The following TTC22 variants were observed in gnomAD, a reference collection of about 807,000 sequenced individuals.
The protein encoded by TTC22 is tetratricopeptide repeat domain 22.
In TTC22, 42 loss-of-function variants were observed where a neutral mutation model predicts 48.2. The ratio of observed to expected loss-of-function variants is 0.87; its 90% CI spans 0.68 to 1.13. The LOEUF is 1.13. Among genes scored for constraint, TTC22 ranks in the 50% most tolerant of loss-of-function variants. The pLI is 0.00. For synonymous variants in TTC22, 345 were observed against 365.5 expected (o/e 0.94, Z 0.64); for missense variants, 784 against 807.0 (o/e 0.97, Z 0.34).
chr1:54,796,483 T>C (rs1274315061), intron 1 of TTC22, among the ~76,000 whole-genome samples: 1 of 152,216 alleles, frequency 6.6e-6, no homozygotes, highest in Non-Finnish European at 1.5e-5. Context: ...TGGCGGTGTG[T>C]CTGTGAGGTC....
Position 54,800,887 on chromosome 1 carries a change from C to A in TTC22, c.277G>T (p.Ala93Ser). ...TTGAGGTTGCCCGGGTGCTCGTGGG[C>A]CACCTCGAGGAAGCACTCGCGGGCC... ...DEARECFLEV[A>S]HEHPGNLNAW... Residue 93 changes from alanine (A) to serine (S), a missense_variant, in exon 1 of 7, where the codon GCC becomes TCC. By Grantham distance (99) the Ala-to-Ser change is moderately conservative. Transcript: ENST00000371276. 1 of 1,610,528 alleles carries A rather than the reference C, an allele frequency of 6.2e-7. No individual in the cohort carries two copies. Among genetic ancestry groups the A allele is most frequent in the Non-Finnish European group, 8.5e-7 (1 of 1,179,404 alleles).
At chr1:54,791,130 G>T (rs1646348659) in intron 1 of TTC22, among the ~76,000 whole-genome samples, 1 of 152,318 alleles carries the variant, frequency 6.6e-6, no homozygotes, top group East Asian at 1.9e-4. Flanking sequence ...AAAGTGCTGG[G>T]ATTACAGGTG....
chr1:54,785,720 G>A, intron 5 of TTC22: 1 of 461,550 alleles, frequency 2.2e-6, no homozygotes, highest in Non-Finnish European at 4.0e-6. Context: ...GGCTGAGGCG[G>A]GAGGATTGCT....
rs919774414 is a variant in TTC22, at chr1:54,785,485, C to T, written c.1020+498G>A. ...CCAGGAATTGTAGAAGGGATTCCTG[C>T]AGTGAGTGGAGGCTCCTGCATTCTT... On this transcript the variant is annotated intron_variant, in intron 5 of 6. Transcript: ENST00000371276. 6.3e-5 allele frequency: 27 copies of T among 430,834 alleles called. 1 individual carries two copies. The highest frequency in any genetic ancestry group is 4.4e-4 in the South Asian group (27 of 60,682). The allele number at this position is 430,834 out of a possible 1,614,324, so 26.7% of individuals were successfully genotyped here.
chr1:54,787,438 C>G, intron 3 of TTC22: 1 of 574,386 alleles, frequency 1.7e-6, no homozygotes, highest in Non-Finnish European at 3.1e-6. Flanking sequence ...ATCTTCTGAC[C>G]ATAAATAGGT....
chr1:54,794,268 G>A (rs764274811), intron 1 of TTC22, among the ~76,000 whole-genome samples: 13 of 152,182 alleles, frequency 8.5e-5, no homozygotes, highest in Admixed American at 5.2e-4. Flanking sequence ...TTAGTGACCC[G>A]ACAGAAACTG....
At chr1:54,786,427 T>G in intron 4 of TTC22, 3 of 366,462 alleles carry the variant, frequency 8.2e-6, no homozygotes, top group African/African-American at 2.1e-5. Flanking sequence ...AGACCCCTCC[T>G]TCCCAGTGTA....
chr1:54,794,802 A>T (rs1468096751), intron 1 of TTC22: 1 of 152,442 alleles, frequency 6.6e-6, no homozygotes, highest in Non-Finnish European at 1.5e-5. Flanking sequence ...CAGAAGTGCC[A>T]GGATTCAAGT....
chr1:54,784,869 GC>G, intron 5 of TTC22: 1 of 1,230,288 alleles, frequency 8.1e-7, no homozygotes, highest in Non-Finnish European at 1.1e-6. Context: ...TGGGACCAGT[GC>G]GGGAAGCTAG....
chr1:54,781,403 A>G lies in TTC22; in HGVS notation c.1550T>C (p.Leu517Pro). ...CGTGTGCCCGCGCCACACGCGCTGCAGCTCCTGGCGCAGGCGCGCCGCGGG... is the reference window on the plus strand; with the variant it reads ...CGTGTGCCCGCGCCACACGCGCTGCGGCTCCTGGCGCAGGCGCGCCGCGGG... ...KYPAARLRQE[L>P]QRVWRGHTDE... The change falls in exon 7 of 7, where the codon CTG becomes CCG. Residue 517 changes from leucine (L) to proline (P), a missense_variant. Coordinates refer to ENST00000371276, the MANE Select transcript of TTC22 (RefSeq NM_001114108.2). The G allele has an allele frequency of 1.4e-6, 2 of 1,394,564 alleles. No individual in the cohort carries two copies. The highest frequency in any genetic ancestry group is 1.8e-6 in the Non-Finnish European group (2 of 1,085,654). The allele number at this position is 1,394,564 out of a possible 1,614,324, so 86.4% of individuals were successfully genotyped here.
intron 1 of TTC22, among the ~76,000 whole-genome samples, chr1:54,796,684 G>A (rs1427626313): frequency 6.8e-6 from 1 of 146,116 alleles, no homozygotes. Context: ...AGTTGGCTTG[G>A]GACAGGGATT....
Position 54,800,709 on chromosome 1 carries a change from TCGGCCAGGCA to T in TTC22, c.445_454del (p.Cys149SerfsTer33). 6.5e-7 allele frequency: 1 copy of T among 1,545,944 alleles called. No individual in the cohort carries two copies. The highest frequency in any genetic ancestry group is 8.7e-7 in the Non-Finnish European group (1 of 1,152,376). On this transcript the variant is annotated frameshift_variant, in exon 1 of 7. Transcript: ENST00000371276. LOFTEE classifies it high-confidence loss of function. ...GTCGAAGCCATGCGCGTAGCCCTGC[TCGGCCAGGCA>T]GCGAGCGGCGCGGAGCTGGGGGTCC...
intron 1 of TTC22, among the ~76,000 whole-genome samples, chr1:54,788,306 T>C (rs1448968489): frequency 1.3e-5 from 2 of 152,134 alleles, no homozygotes; most frequent in Non-Finnish European, 2.9e-5. Context: ...TACAGAGACT[T>C]TGTGAGGGCC....
chr1:54,785,977 A>AC lies in TTC22; in HGVS notation c.1020+5dup. On this transcript the variant is annotated splice_donor_region_variant and intron_variant, in intron 5 of 6. Coordinates refer to ENST00000371276, the MANE Select transcript of TTC22 (RefSeq NM_001114108.2). ...CAGGGTATGGTGGGGCAGGAAGTTGACCCACCTTGGCCCTTGTGCAGTACG... is the reference window on the plus strand; with the variant it reads ...CAGGGTATGGTGGGGCAGGAAGTTGACCCCACCTTGGCCCTTGTGCAGTACG... 1 of 1,608,474 alleles carries AC rather than the reference A, an allele frequency of 6.2e-7. No homozygotes were observed. The highest frequency in any genetic ancestry group is 8.5e-7 in the Non-Finnish European group (1 of 1,177,806).
chr1:54,799,544 C>G (rs1489461846), intron 1 of TTC22, among the ~76,000 whole-genome samples: 4 of 152,214 alleles, frequency 2.6e-5, no homozygotes, highest in Non-Finnish European at 5.9e-5. Flanking sequence ...GCTCCTAGCC[C>G]AGGGCTCTTC....
chr1:54,784,146 G>A (rs1646282879), intron 5 of TTC22, among the ~76,000 whole-genome samples: 1 of 152,244 alleles, frequency 6.6e-6, no homozygotes, highest in Non-Finnish European at 1.5e-5. Context: ...CCAGGCAGAG[G>A]CCCAGGCCAG....
At chr1:54,793,344 C>T (rs1448625793) in intron 1 of TTC22, among the ~76,000 whole-genome samples, 1 of 152,192 alleles carries the variant, frequency 6.6e-6, no homozygotes, top group African/African-American at 2.4e-5. Flanking sequence ...CACCTCCCAG[C>T]TCTTCTGAGG....
At chr1:54,788,560 G>T (rs1017736961) in intron 1 of TTC22, among the ~76,000 whole-genome samples, 2 of 152,174 alleles carry the variant, frequency 1.3e-5, no homozygotes, top group Admixed American at 1.3e-4. Context: ...TATTATTCCT[G>T]CCAACCTTGC....
chr1:54,785,031 G>A (rs1350823162), intron 5 of TTC22: 1 of 198,914 alleles, frequency 5.0e-6, no homozygotes, highest in Non-Finnish European at 1.1e-5. Context: ...TGTGCTTGAT[G>A]CTGAGTTTTA....
Sources: gnomAD v4.1 joint callset for allele counts (sites outside exome capture counted in the v4.1 genomes callset) on GRCh38, gnomAD v4.1.1 for gene constraint, MANE v1.5 for transcripts, NCBI Gene and HGNC (gene_info 2026-07-23, HGNC 2026-07-21) for gene names.